ACTR3B: variants seen among roughly 807,000 people sequenced by gnomAD.
ACTR3B encodes the protein actin-related protein 3B.
ACTR3B carries 8 observed loss-of-function variants against 59.0 expected under a neutral mutation model. That is an observed-to-expected ratio of 0.14 (90% CI 0.08 to 0.24). ACTR3B has a LOEUF of 0.24. Ranked by LOEUF, ACTR3B falls within the 10% of genes least tolerant of loss-of-function variation. The probability of loss-of-function intolerance (pLI) is 1.00; values close to 1 mark genes in which losing one functional copy is unlikely to be tolerated. For synonymous variants in ACTR3B, 148 were observed against 197.9 expected, an observed-to-expected ratio of 0.75 and a Z score of 2.12; for missense variants, 245 against 552.3, an observed-to-expected ratio of 0.44 and a Z score of 5.58.
intron 1 of ACTR3B, among the ~76,000 whole-genome samples, chr7:152,773,327 C>T (rs2098128750): frequency 6.6e-6 from 1 of 152,060 alleles, no homozygotes; most frequent in African/African-American, 2.4e-5. Context: ...GTGGCTCACG[C>T]CTGTAATCCC....
intron 2 of ACTR3B, among the ~76,000 whole-genome samples, chr7:152,797,892 A>T (rs138301687): frequency 0.026 from 3,942 of 152,204 alleles, 148 homozygotes; most frequent in African/African-American, 0.088. Flanking sequence ...GCTGAATAGT[A>T]TTCCACTGTT....
At chr7:152,833,756 G>A (rs1018359279) in intron 9 of ACTR3B, among the ~76,000 whole-genome samples, 5 of 152,130 alleles carry the variant, frequency 3.3e-5, no homozygotes, top group African/African-American at 7.2e-5. Flanking sequence ...TACGTGTGGC[G>A]TTTATAATGG....
intron 9 of ACTR3B, among the ~76,000 whole-genome samples, chr7:152,838,736 G>A (rs1485747346): frequency 1.2e-4 from 18 of 152,260 alleles, no homozygotes; most frequent in African/African-American, 4.1e-4. Context: ...CAGATGTAGA[G>A]GTTTTTACAG....
chr7:152,825,073 A>G lies in ACTR3B; in HGVS notation c.902A>G (p.Asp301Gly), dbSNP rs775785425. ...DFMESISDVV[D>G]EVIQNCPIDV... ...ATGGAGTCCATCTCAGATGTTGTTG[A>G]TGAAGTAATACAGAACTGCCCCATC... is the stretch of plus-strand genomic sequence containing the variant. Residue 301 changes from aspartate to glycine, a missense_variant, in exon 9 of 12, where the codon GAT becomes GGT. Asp to Gly is a moderately conservative substitution (Grantham distance 94, BLOSUM62 -1). Around this residue, in one of 7 missense-constraint regions of ACTR3B, gnomAD observed 153 missense variants for 266.2 expected, o/e 0.57. Coordinates refer to ENST00000256001, the MANE Select transcript of ACTR3B (RefSeq NM_020445.6). 1.2e-6 allele frequency: 2 copies of G among 1,613,926 alleles called. No homozygotes were observed. The highest frequency in any genetic ancestry group is 2.7e-5 in the African/African-American group (2 of 75,056).
chr7:152,800,710 T>C, intron 3 of ACTR3B, 55 bp downstream of exon 3: 5 of 1,566,836 alleles, frequency 3.2e-6, no homozygotes, highest in Non-Finnish European at 4.3e-6. Context: ...GGATGAGTAA[T>C]GCAAAATGGT....
chr7:152,773,633 AG>A (rs1157953226), intron 1 of ACTR3B, among the ~76,000 whole-genome samples: 4 of 152,208 alleles, frequency 2.6e-5, no homozygotes, highest in Non-Finnish European at 4.4e-5. Flanking sequence ...GCAAATGCAC[AG>A]TAAAAGAAAG....
At chr7:152,840,546 G>C (rs1797799241) in intron 9 of ACTR3B, among the ~76,000 whole-genome samples, 1 of 151,188 alleles carries the variant, frequency 6.6e-6, no homozygotes, top group Non-Finnish European at 1.5e-5. Context: ...CCTGGCTCCA[G>C]GGAGTAGGCT....
At chr7:152,802,692 C>T (rs1164857273) in intron 4 of ACTR3B, among the ~76,000 whole-genome samples, 1 of 151,414 alleles carries the variant, frequency 6.6e-6, no homozygotes, top group Non-Finnish European at 1.5e-5. Flanking sequence ...ACGTAAGCTG[C>T]GTATTAAACC....
chr7:152,832,216 G>T (rs1334821837), intron 9 of ACTR3B, among the ~76,000 whole-genome samples: 1 of 152,094 alleles, frequency 6.6e-6, no homozygotes, highest in Non-Finnish European at 1.5e-5. Context: ...AGGGTGGGGG[G>T]TCATTTACTG....
intron 2 of ACTR3B, among the ~76,000 whole-genome samples, chr7:152,784,261 G>A (rs1005131821): frequency 1.3e-5 from 2 of 152,144 alleles, no homozygotes; most frequent in African/African-American, 2.4e-5. Context: ...TTTTTAGGGG[G>A]CCACGATGTT....
At chr7:152,776,650 A>T (rs2116569742) in intron 1 of ACTR3B, among the ~76,000 whole-genome samples, 1 of 152,334 alleles carries the variant, frequency 6.6e-6, no homozygotes, top group Admixed American at 6.5e-5. Flanking sequence ...ACTTCTTTTG[A>T]ATTAGGAAAT....
chr7:152,793,915 C>T (rs1590273727), intron 2 of ACTR3B, among the ~76,000 whole-genome samples: 1 of 151,788 alleles, frequency 6.6e-6, no homozygotes, highest in Admixed American at 6.6e-5. Flanking sequence ...CCTTTGTTGA[C>T]ACTCACTTGG....
intron 2 of ACTR3B, among the ~76,000 whole-genome samples, chr7:152,784,000 G>T (rs1384451554): frequency 6.6e-6 from 1 of 152,000 alleles, no homozygotes; most frequent in Admixed American, 6.6e-5. Context: ...TGAGGCAGGA[G>T]AATCACTTGA....
At chr7:152,775,780 G>A (rs1421693916) in intron 1 of ACTR3B, among the ~76,000 whole-genome samples, 3 of 151,820 alleles carry the variant, frequency 2.0e-5, no homozygotes, top group African/African-American at 7.3e-5. Flanking sequence ...AAAATTGGGG[G>A]CAAATAATAA....
At chr7:152,847,062 T>A (rs12703214) in intron 9 of ACTR3B, among the ~76,000 whole-genome samples, 67,432 of 136,122 alleles carry the variant, frequency 0.5, 16,779 homozygotes, top group East Asian at 0.64. Flanking sequence ...GGCTGTAGTC[T>A]GCAGTGAGCC....
At chr7:152,778,943 CAAAAAAAAAAAAAAAAAAAAAAAAA>C (rs59789390) in intron 1 of ACTR3B, among the ~76,000 whole-genome samples, 71 of 36,822 alleles carry the variant, frequency 1.9e-3, no homozygotes, top group African/African-American at 4.8e-3. Context: ...ACTGTGTCTC[CAAAAAAAAAAAAAAAAAAAAAAAAA>C]AAAAAAAAAA....
intron 1 of ACTR3B, among the ~76,000 whole-genome samples, chr7:152,764,235 A>G (rs1308851138): frequency 1.3e-5 from 2 of 151,894 alleles, no homozygotes; most frequent in Non-Finnish European, 2.9e-5. Flanking sequence ...TTGAACTCCT[A>G]ACCTCAGGTG....
intron 1 of ACTR3B, among the ~76,000 whole-genome samples, chr7:152,764,643 CAAA>C (rs57066285): frequency 6.9e-5 from 8 of 116,738 alleles, no homozygotes; most frequent in Admixed American, 1.7e-4. Flanking sequence ...GACTCCATCT[CAAA>C]AAAAAAAAAA....
At chr7:152,770,635 C>T (rs1349317710) in intron 1 of ACTR3B, among the ~76,000 whole-genome samples, 7 of 152,010 alleles carry the variant, frequency 4.6e-5, no homozygotes, top group Admixed American at 2.0e-4. Flanking sequence ...ATTAGATATA[C>T]GCCCAGAACA....
Sources: gnomAD v4.1 joint callset for allele counts (sites outside exome capture counted in the v4.1 genomes callset) on GRCh38, gnomAD v4.1.1 for gene constraint, gnomAD v4.1.1 regional missense constraint, MANE v1.5 for transcripts, NCBI Gene and HGNC (gene_info 2026-07-23, HGNC 2026-07-21) for gene names.